ANGPTL5: variants seen among roughly 807,000 people sequenced by gnomAD.
ANGPTL5 encodes angiopoietin like 5.
In ANGPTL5, 34 loss-of-function variants were observed where a neutral mutation model predicts 39.4. That is an observed-to-expected ratio of 0.86 (90% CI 0.66 to 1.15). ANGPTL5 has a LOEUF of 1.15. Ranked by LOEUF, ANGPTL5 falls within the 50% of genes most tolerant of loss-of-function variation. The pLI, the probability that ANGPTL5 is intolerant of heterozygous loss-of-function variation, is 0.00. For missense variants in ANGPTL5, 467 were observed against 457.5 expected (o/e 1.02, Z -0.19); for synonymous variants, 146 against 152.1 (o/e 0.96, Z 0.29).
rs373751029 is a variant in ANGPTL5 at position 101,904,091 on chromosome 11, C to A, written c.439+723G>T. On this transcript the variant is annotated intron_variant, in intron 5 of 8. Transcript: ENST00000334289. ...CCATGCTCCTGACTACCACATTATG[C>A]CTGCTTTGGGGCAGTTATGAGATAT... 6.6e-5 allele frequency among the ~76,000 whole-genome samples: 10 copies of A among 152,052 alleles called. 1 individual carries two copies. The East Asian group carries it at 1.9e-3, about 29-fold the overall frequency.
rs556967711 is a variant in ANGPTL5 at position 101,892,271 on chromosome 11, C to T, written c.848-673G>A. Among the ~76,000 whole-genome samples, 79 of 152,196 alleles carry T rather than the reference C, an allele frequency of 5.2e-4. 1 individual carries two copies. Among genetic ancestry groups the T allele is most frequent in the Middle Eastern group, 3.4e-3 (1 of 294 alleles). ...TAAGACAGAGTTTTGCTCTTGTCCC[C>T]CCAGTCTGGAGTGGAATTGCATGAT... On this transcript the variant is annotated intron_variant, in intron 8 of 8. Coordinates refer to ENST00000334289, the MANE Select transcript of ANGPTL5 (RefSeq NM_178127.5).
rs1276520977 is a variant in ANGPTL5 at position 101,895,047 on chromosome 11, G to T, written c.679C>A (p.Leu227Met). The change falls in exon 8 of 9, where the codon CTG becomes ATG. Residue 227 changes from leucine to methionine, a missense_variant. Leu to Met is a conservative substitution (Grantham distance 15). Transcript: ENST00000334289. ...TTTACTATATAAAAAATCTTTTTCA[G>T]TCCTAGCCAAAATTCTCCTGTAAAA... ...GDLLGEFWLG[L>M]KKIFYIVNQK... 1.9e-6 allele frequency: 3 copies of T among 1,594,834 alleles called. No individual in the cohort carries two copies. Among genetic ancestry groups the T allele is most frequent in the African/African-American group, 2.7e-5 (2 of 74,098 alleles).
chr11:101,890,790 T>C lies in ANGPTL5; in HGVS notation c.*489A>G, dbSNP rs1325278471. The stretch of plus-strand genomic sequence containing the variant: ...CAAACTCTTACTACTTTTAAAATGG[T>C]ATGGCATCACCTAGAAATAGTAAGG... On this transcript the variant is annotated 3_prime_UTR_variant, in exon 9 of 9. Transcript: ENST00000334289. 1 of 152,756 alleles carries C rather than the reference T, an allele frequency of 6.5e-6. No homozygotes were observed. Among genetic ancestry groups the C allele is most frequent in the Non-Finnish European group, 1.5e-5 (1 of 68,428 alleles). The allele number at this position is 152,756 out of a possible 1,614,324, so 9.5% of individuals were successfully genotyped here.
intron 1 of ANGPTL5, among the ~76,000 whole-genome samples, chr11:101,911,444 C>A (rs560325125): frequency 1.3e-5 from 2 of 152,136 alleles, no homozygotes; most frequent in Admixed American, 1.3e-4. Context: ...AATCTTACGT[C>A]AAACTGTAAT....
intron 8 of ANGPTL5, among the ~76,000 whole-genome samples, chr11:101,894,539 C>G (rs1939757539): frequency 6.6e-6 from 1 of 152,160 alleles, no homozygotes. Context: ...GACTAGAGAT[C>G]ATCTCTAACA....
At chr11:101,902,334 G>A (rs1029850999) in intron 6 of ANGPTL5, among the ~76,000 whole-genome samples, 13 of 152,180 alleles carry the variant, frequency 8.5e-5, no homozygotes, top group African/African-American at 2.4e-4. Flanking sequence ...TGCCTGTTAC[G>A]AGGATAATAC....
In ANGPTL5 at chr11:101,904,828, G is replaced by A. The variant is rs759417696; in HGVS notation, c.425C>T (p.Pro142Leu). The change falls in exon 5 of 9, where the codon CCT (proline) becomes CTT (leucine). Residue 142 changes from proline to leucine, a missense_variant. Coordinates refer to ENST00000334289, the MANE Select transcript of ANGPTL5 (RefSeq NM_178127.5). The part of the protein sequence containing the change: ...RKQLDPFPHR[P>L]VQSHGLDCTD... The stretch of plus-strand genomic sequence containing the variant: ...AAAGTTCTCACCATGTGACTGAACA[G>A]GTCTGTGAGGAAAAGGATCCAGCTG... 70 of 1,612,944 alleles carry A rather than the reference G, an allele frequency of 4.3e-5. No homozygotes were observed. In the Middle Eastern group the frequency reaches 4.9e-4, roughly 11 times the overall value.
At chr11:101,893,791 C>A (rs761490885) in intron 8 of ANGPTL5, among the ~76,000 whole-genome samples, 6 of 152,136 alleles carry the variant, frequency 3.9e-5, no homozygotes, top group East Asian at 3.9e-4. Context: ...CAAGTGTAAA[C>A]CCCTCAGGTA....
At chr11:101,912,942 A>C (rs1445917210) in intron 1 of ANGPTL5, among the ~76,000 whole-genome samples, 1 of 152,246 alleles carries the variant, frequency 6.6e-6, no homozygotes, top group Admixed American at 6.5e-5. Context: ...CATGCCAGGC[A>C]AGGGTTAAGT....
rs577764251 is a variant in ANGPTL5, at chr11:101,915,211, A to C, written c.-93+808T>G. 5.0e-4 allele frequency: 784 copies of C among 1,583,470 alleles called. 1 individual carries two copies. Among genetic ancestry groups the C allele is most frequent in the Non-Finnish European group, 6.5e-4 (756 of 1,162,180 alleles). ...GACGGAGTGTAGGGAGGGGCCGAGC[A>C]GGAGGAGGAGGAAGCCGGAGCTGCC... On this transcript the variant is annotated intron_variant, in intron 1 of 8. Coordinates refer to ENST00000334289, the MANE Select transcript of ANGPTL5 (RefSeq NM_178127.5).
At position 101,909,308 on chromosome 11, in the gene ANGPTL5, G is replaced by A. The variant is rs1235283419; in HGVS notation, c.-92-1307C>T. Among the ~76,000 whole-genome samples, 11 of 152,182 alleles carry A rather than the reference G, an allele frequency of 7.2e-5. No homozygotes were observed. The East Asian group carries it at 2.1e-3, about 29-fold the overall frequency. On this transcript the variant is annotated intron_variant, in intron 1 of 8. Transcript: ENST00000334289. ...GAGACAGTATGAGATGGTTGGGAGT[G>A]CCGGCTCCAAGACCAGATTGCCTGA...
intron 1 of ANGPTL5, among the ~76,000 whole-genome samples, chr11:101,913,534 C>A (rs902050280): frequency 1.3e-5 from 2 of 152,262 alleles, no homozygotes; most frequent in African/African-American, 4.8e-5. Flanking sequence ...ACCCTTTCCT[C>A]TCCTTTCTAG....
At chr11:101,899,938 G>A (rs1293378833) in intron 7 of ANGPTL5, among the ~76,000 whole-genome samples, 1 of 152,196 alleles carries the variant, frequency 6.6e-6, no homozygotes, top group African/African-American at 2.4e-5. Flanking sequence ...ACATTGACCT[G>A]AGGTTATAAT....
chr11:101,893,360 C>T (rs1267586801), intron 8 of ANGPTL5, among the ~76,000 whole-genome samples: 1 of 152,194 alleles, frequency 6.6e-6, no homozygotes, highest in Non-Finnish European at 1.5e-5. Flanking sequence ...TTGCTCCAAG[C>T]TCAAAGCCAA....
At chr11:101,901,107 G>C (rs556881690) in intron 6 of ANGPTL5, among the ~76,000 whole-genome samples, 2 of 147,318 alleles carry the variant, frequency 1.4e-5, no homozygotes, top group Admixed American at 1.4e-4. Context: ...TCGATCTCCT[G>C]ACCTCGTGAT....
chr11:101,907,642 C>T (rs1201052309), intron 2 of ANGPTL5, among the ~76,000 whole-genome samples, 172 bp downstream of exon 2: 1 of 151,988 alleles, frequency 6.6e-6, no homozygotes, highest in Admixed American at 6.5e-5. Flanking sequence ...TTTATAGTTT[C>T]CTCAGTTTAA....
chr11:101,911,324 A>G (rs553096521), intron 1 of ANGPTL5, among the ~76,000 whole-genome samples: 3 of 151,736 alleles, frequency 2.0e-5, no homozygotes, highest in African/African-American at 7.2e-5. Flanking sequence ...GGGTTTCACC[A>G]TGTTGGCCAG....
At chr11:101,895,173 GATA>G in intron 7 of ANGPTL5, 109 bp from the exon 8 acceptor site, 1 of 945,444 alleles carries the variant, frequency 1.1e-6, no homozygotes, top group Non-Finnish European at 1.5e-6. Context: ...AGATGGCTCA[GATA>G]AGTAATTAAA....
intron 5 of ANGPTL5, among the ~76,000 whole-genome samples, chr11:101,903,364 A>G (rs1939940778): frequency 6.6e-6 from 1 of 152,260 alleles, no homozygotes; most frequent in East Asian, 1.9e-4. Context: ...GTATGTGGAT[A>G]TGGATATTAC....
Sources: gnomAD v4.1 joint callset for allele counts (sites outside exome capture counted in the v4.1 genomes callset) on GRCh38, gnomAD v4.1.1 for gene constraint, MANE v1.5 for transcripts, NCBI Gene and HGNC (gene_info 2026-07-23, HGNC 2026-07-21) for gene names.